The following PCMTD1 variants were observed in gnomAD, a reference collection of about 807,000 sequenced individuals.
PCMTD1 encodes the protein protein-L-isoaspartate (D-aspartate) O-methyltransferase domain containing 1.
PCMTD1 carries 12 observed loss-of-function variants against 37.6 expected under a neutral mutation model. That is an observed-to-expected ratio of 0.32 (90% CI 0.20 to 0.52). The LOEUF (loss-of-function observed/expected upper bound fraction) is 0.52, where lower values mean the gene tolerates loss of function less well. Among genes scored for constraint, PCMTD1 ranks in the 20% least tolerant of loss-of-function variants. The pLI, the probability that PCMTD1 is intolerant of heterozygous loss-of-function variation, is 0.97. For missense variants in PCMTD1, 235 were observed against 421.3 expected (o/e 0.56, Z 3.87); for synonymous variants, 117 against 135.8 (o/e 0.86, Z 0.96).
At chr8:51,828,244 T>C (rs972450271) in intron 5 of PCMTD1, among the ~76,000 whole-genome samples, 3 of 152,160 alleles carry the variant, frequency 2.0e-5, no homozygotes, top group Non-Finnish European at 2.9e-5. Flanking sequence ...ATTTTTTTCA[T>C]TACTTCCTTT....
intron 1 of PCMTD1, among the ~76,000 whole-genome samples, chr8:51,880,124 C>T (rs571261631): frequency 6.6e-6 from 1 of 151,778 alleles, no homozygotes; most frequent in East Asian, 1.9e-4. Context: ...CCCTTGGGAC[C>T]AGGAGTTTGA....
At chr8:51,837,778 T>G (rs1441898708) in intron 3 of PCMTD1, among the ~76,000 whole-genome samples, 1 of 152,138 alleles carries the variant, frequency 6.6e-6, no homozygotes, top group Non-Finnish European at 1.5e-5. Context: ...CTTATCTATC[T>G]ATTTATTTAT....
At chr8:51,862,832 C>T (rs749887125) in intron 1 of PCMTD1, among the ~76,000 whole-genome samples, 5 of 152,140 alleles carry the variant, frequency 3.3e-5, no homozygotes, top group East Asian at 1.9e-4. Context: ...CATTCAAACT[C>T]ACTTATAAAA....
At chr8:51,834,583 G>A (rs2038041314) in intron 3 of PCMTD1, among the ~76,000 whole-genome samples, 2 of 133,890 alleles carry the variant, frequency 1.5e-5, no homozygotes, top group East Asian at 2.1e-4. Context: ...AAGTTAATAT[G>A]ATCATAGAGC....
intron 3 of PCMTD1, among the ~76,000 whole-genome samples, chr8:51,844,628 G>C (rs970362064): frequency 2.6e-5 from 4 of 152,092 alleles, no homozygotes; most frequent in Non-Finnish European, 5.9e-5. Flanking sequence ...AGGGGAGGAA[G>C]GCCAAAGGCA....
At chr8:51,838,673 C>G (rs968972175) in intron 3 of PCMTD1, among the ~76,000 whole-genome samples, 2 of 152,036 alleles carry the variant, frequency 1.3e-5, no homozygotes, top group Non-Finnish European at 2.9e-5. Context: ...CTCCTTAGGC[C>G]TTGACTATCT....
At chr8:51,822,647 C>G (rs2037865636) in intron 5 of PCMTD1, among the ~76,000 whole-genome samples, 1 of 152,154 alleles carries the variant, frequency 6.6e-6, no homozygotes, top group Non-Finnish European at 1.5e-5. Context: ...GTTTTGACTG[C>G]AGAGTGTGTG....
intron 1 of PCMTD1, among the ~76,000 whole-genome samples, chr8:51,869,675 G>A (rs529951492): frequency 7.9e-5 from 12 of 152,038 alleles, no homozygotes; most frequent in African/African-American, 2.9e-4. Context: ...CCAAAATAAG[G>A]AATTTGAGAG....
At chr8:51,863,351 C>T (rs2038502609) in intron 1 of PCMTD1, among the ~76,000 whole-genome samples, 1 of 152,146 alleles carries the variant, frequency 6.6e-6, no homozygotes, top group Admixed American at 6.5e-5. Context: ...CATAGCAAAA[C>T]AATCAATCAA....
chr8:51,875,048 G>T (rs1277238504), intron 1 of PCMTD1, among the ~76,000 whole-genome samples: 1 of 152,128 alleles, frequency 6.6e-6, no homozygotes, highest in African/African-American at 2.4e-5. Context: ...TCAAATATTA[G>T]AACACAGGAA....
At chr8:51,840,413 T>G (rs2038129943) in intron 3 of PCMTD1, among the ~76,000 whole-genome samples, 1 of 152,184 alleles carries the variant, frequency 6.6e-6, no homozygotes, top group Admixed American at 6.5e-5. Flanking sequence ...AACATCTGAA[T>G]GTCTGTCATA....
chr8:51,882,377 G>C (rs2038803420), intron 1 of PCMTD1, among the ~76,000 whole-genome samples: 1 of 152,182 alleles, frequency 6.6e-6, no homozygotes, highest in Non-Finnish European at 1.5e-5. Flanking sequence ...TGGGCATGGG[G>C]TAGGGGGCGG....
At chr8:51,835,938 C>G (rs2038060922) in intron 3 of PCMTD1, among the ~76,000 whole-genome samples, 1 of 152,160 alleles carries the variant, frequency 6.6e-6, no homozygotes, top group South Asian at 2.1e-4. Flanking sequence ...ATGTGTGACA[C>G]TGGGCAAGTT....
chr8:51,834,237 A>G (rs1013972350), intron 3 of PCMTD1, among the ~76,000 whole-genome samples: 3 of 152,168 alleles, frequency 2.0e-5, no homozygotes, highest in African/African-American at 7.2e-5. Flanking sequence ...TTTCTAATAA[A>G]TTTTGGCTGA....
At chr8:51,877,845 T>A (rs1479420431) in intron 1 of PCMTD1, among the ~76,000 whole-genome samples, 1 of 152,178 alleles carries the variant, frequency 6.6e-6, no homozygotes, top group Admixed American at 6.5e-5. Flanking sequence ...ATTATTAAAG[T>A]TCCTGATTTT....
At chr8:51,830,050 A>G (rs1325757697) in intron 5 of PCMTD1, among the ~76,000 whole-genome samples, 1 of 152,106 alleles carries the variant, frequency 6.6e-6, no homozygotes, top group African/African-American at 2.4e-5. Flanking sequence ...TTGCCCCATT[A>G]GGTTCATCAC....
chr8:51,831,860 C>CTA (rs772115545), intron 4 of PCMTD1, among the ~76,000 whole-genome samples: 1 of 152,210 alleles, frequency 6.6e-6, no homozygotes, highest in Non-Finnish European at 1.5e-5. Flanking sequence ...GCACTACAAT[C>CTA]TATACATGCC....
intron 5 of PCMTD1, among the ~76,000 whole-genome samples, chr8:51,826,062 C>T (rs185773824): frequency 4.3e-4 from 65 of 152,276 alleles, no homozygotes; most frequent in Non-Finnish European, 8.2e-4. Context: ...GACACATGCA[C>T]ATGTATGTTT....
chr8:51,887,440 CTTA>C (rs2038879493), intron 1 of PCMTD1, among the ~76,000 whole-genome samples: 1 of 152,090 alleles, frequency 6.6e-6, no homozygotes, highest in Non-Finnish European at 1.5e-5. Flanking sequence ...AAGAAATATG[CTTA>C]TTATTACTTG....
Sources: allele counts gnomAD v4.1 joint callset (sites outside exome capture counted in the v4.1 genomes callset), GRCh38; gene constraint gnomAD v4.1.1; transcripts MANE v1.5; gene names NCBI Gene and HGNC (gene_info 2026-07-23, HGNC 2026-07-21).